The following ABCA13 variants were observed in gnomAD, a reference collection of about 807,000 sequenced individuals.
The protein encoded by ABCA13 is ATP binding cassette subfamily A member 13.
ABCA13 carries 476 observed loss-of-function variants against 478.7 expected under a neutral mutation model. The observed-to-expected ratio is 0.99, with a 90% CI of 0.92 to 1.07. The LOEUF (loss-of-function observed/expected upper bound fraction) is 1.07, where lower values mean the gene tolerates loss of function less well. Among genes scored for constraint, ABCA13 ranks in the 50% least tolerant of loss-of-function variants. ABCA13 has a pLI of 0.00. For synonymous variants in ABCA13, 2,252 were observed against 2,158.9 expected (o/e 1.04, Z -1.20); for missense variants, 6,060 against 5,910.6 (o/e 1.03, Z -0.83).
intron 51 of ABCA13, among the ~76,000 whole-genome samples, chr7:48,514,779 A>G (rs1357594680): frequency 6.6e-6 from 1 of 152,146 alleles, no homozygotes; most frequent in Non-Finnish European, 1.5e-5. Context: ...GATAATGTAC[A>G]GCCCTAAGAA....
intron 59 of ABCA13, among the ~76,000 whole-genome samples, chr7:48,638,743 C>A (rs117066333): frequency 6.6e-6 from 1 of 152,102 alleles, no homozygotes; most frequent in African/African-American, 2.4e-5. Flanking sequence ...AAGAAAAAAT[C>A]TCCTGATCTC....
At chr7:48,569,704 TG>T (rs1360890112) in intron 55 of ABCA13, among the ~76,000 whole-genome samples, 1 of 152,206 alleles carries the variant, frequency 6.6e-6, no homozygotes, top group African/African-American at 2.4e-5. Context: ...TTTGCATTTT[TG>T]GTAGAGAGTG....
chr7:48,586,526 A>T (rs2131391139), intron 56 of ABCA13, among the ~76,000 whole-genome samples: 1 of 152,248 alleles, frequency 6.6e-6, no homozygotes, highest in South Asian at 2.1e-4. Context: ...GGAGCTTAAC[A>T]TTGGGTACAC....
chr7:48,483,750 A>G (rs1829014832), intron 47 of ABCA13, among the ~76,000 whole-genome samples: 1 of 152,228 alleles, frequency 6.6e-6, no homozygotes, highest in African/African-American at 2.4e-5. Flanking sequence ...GAAGTGGTGA[A>G]CCCAACAGTG....
chr7:48,188,582 G>A (rs1796669800), intron 1 of ABCA13, among the ~76,000 whole-genome samples: 2 of 151,956 alleles, frequency 1.3e-5, no homozygotes, highest in South Asian at 4.2e-4. Context: ...TTACGTTTTG[G>A]TAGTTTTTTT....
intron 3 of ABCA13, among the ~76,000 whole-genome samples, chr7:48,209,818 G>C (rs1028893131): frequency 7.2e-5 from 11 of 151,962 alleles, no homozygotes; most frequent in Admixed American, 2.0e-4. Context: ...AATCTTTGTG[G>C]CATCAGTTGT....
chr7:48,618,858 T>C (rs191969746), intron 59 of ABCA13, among the ~76,000 whole-genome samples: 1 of 152,282 alleles, frequency 6.6e-6, no homozygotes, highest in Admixed American at 6.5e-5. Flanking sequence ...AGTGAATTTA[T>C]TTGCAAGTTG....
chr7:48,192,862 A>T (rs1432114700), intron 1 of ABCA13, 97 bp from the exon 2 acceptor site: 2 of 919,510 alleles, frequency 2.2e-6, no homozygotes, highest in African/African-American at 3.4e-5. Flanking sequence ...GTTCTGAGAC[A>T]CACAGCAGGG....
intron 42 of ABCA13, among the ~76,000 whole-genome samples, chr7:48,451,642 A>G (rs961828499): frequency 1.4e-4 from 21 of 152,142 alleles, no homozygotes; most frequent in African/African-American, 4.8e-4. Flanking sequence ...TGGAGTTTTC[A>G]TCTTAATTTT....
At chr7:48,232,786 G>C (rs75821067) in intron 7 of ABCA13, among the ~76,000 whole-genome samples, 14,361 of 152,198 alleles carry the variant, frequency 0.094, 905 homozygotes, top group East Asian at 0.19. Flanking sequence ...AACTCTGTGA[G>C]TAATTCTAAT....
intron 23 of ABCA13, among the ~76,000 whole-genome samples, chr7:48,299,453 A>G (rs1370846482): frequency 3.3e-5 from 5 of 152,234 alleles, no homozygotes; most frequent in Admixed American, 2.6e-4. Context: ...TCAAGGAAAA[A>G]TGTCAAATTC....
intron 37 of ABCA13, among the ~76,000 whole-genome samples, chr7:48,391,421 T>C (rs1212750683): frequency 1.3e-5 from 2 of 152,238 alleles, no homozygotes; most frequent in African/African-American, 4.8e-5. Context: ...GTAGAAACCA[T>C]AGTCTGAGGA....
At chr7:48,537,158 T>C (rs889782808) in intron 55 of ABCA13, among the ~76,000 whole-genome samples, 1 of 152,216 alleles carries the variant, frequency 6.6e-6, no homozygotes, top group African/African-American at 2.4e-5. Context: ...TTTTCAAATT[T>C]ATCAAACTTT....
intron 48 of ABCA13, among the ~76,000 whole-genome samples, chr7:48,504,798 C>T (rs998170687): frequency 6.6e-6 from 1 of 152,144 alleles, no homozygotes; most frequent in Non-Finnish European, 1.5e-5. Flanking sequence ...TTTTTCTGAC[C>T]TCCTGATAAG....
chr7:48,281,021 C>T (rs1294336541), intron 18 of ABCA13, among the ~76,000 whole-genome samples: 1 of 152,196 alleles, frequency 6.6e-6, no homozygotes, highest in East Asian at 1.9e-4. Context: ...TATACCTTAG[C>T]TCTTCATACC....
intron 42 of ABCA13, among the ~76,000 whole-genome samples, chr7:48,439,738 C>T (rs1823327136): frequency 6.6e-6 from 1 of 152,086 alleles, no homozygotes; most frequent in Admixed American, 6.6e-5. Flanking sequence ...CAGAAGTAAA[C>T]TGGAAGTTTA....
chr7:48,298,230 C>G, intron 22 of ABCA13, 136 bp from the exon 23 acceptor site: 1 of 779,888 alleles, frequency 1.3e-6, no homozygotes, highest in Non-Finnish European at 1.9e-6. Context: ...TAAGGTATGA[C>G]TTTATTTAGT....
At chr7:48,390,426 A>G (rs1306044520) in intron 37 of ABCA13, among the ~76,000 whole-genome samples, 2 of 152,248 alleles carry the variant, frequency 1.3e-5, no homozygotes, top group Non-Finnish European at 2.9e-5. Flanking sequence ...ATTTTATAGT[A>G]TCCCCCAGAT....
chr7:48,345,517 C>A (rs200301892), intron 29 of ABCA13, among the ~76,000 whole-genome samples: 2 of 151,784 alleles, frequency 1.3e-5, no homozygotes, highest in South Asian at 2.1e-4. Flanking sequence ...TAGTTTTTAA[C>A]AAAAAATTTA....
Sources: gnomAD v4.1 joint callset for allele counts (sites outside exome capture counted in the v4.1 genomes callset) on GRCh38, gnomAD v4.1.1 for gene constraint, MANE v1.5 for transcripts, NCBI Gene and HGNC (gene_info 2026-07-23, HGNC 2026-07-21) for gene names.